RIMS2: variants seen among roughly 807,000 people sequenced by gnomAD.
The protein encoded by RIMS2 is regulating synaptic membrane exocytosis protein 2.
RIMS2 carries 59 observed loss-of-function variants against 174.4 expected under a neutral mutation model. That is an observed-to-expected ratio of 0.34 (90% CI 0.27 to 0.42). The LOEUF (loss-of-function observed/expected upper bound fraction) is 0.42, where lower values mean the gene tolerates loss of function less well. Among genes scored for constraint, RIMS2 ranks in the 10% least tolerant of loss-of-function variants. The probability of loss-of-function intolerance (pLI) is 1.00; values close to 1 mark genes in which losing one functional copy is unlikely to be tolerated. For missense variants in RIMS2, 1,620 were observed against 1,666.3 expected (o/e 0.97, Z 0.48); for synonymous variants, 606 against 572.5 (o/e 1.06, Z -0.84).
intron 1 of RIMS2, among the ~76,000 whole-genome samples, chr8:103,689,173 A>G (rs1895898): frequency 0.06 from 9,118 of 152,042 alleles, 349 homozygotes; most frequent in Non-Finnish European, 0.08. Flanking sequence ...AAAATTTCTC[A>G]TATTATTGAT....
intron 19 of RIMS2, among the ~76,000 whole-genome samples, chr8:104,037,965 A>G (rs909135304): frequency 6.6e-6 from 1 of 152,082 alleles, no homozygotes; most frequent in Non-Finnish European, 1.5e-5. Flanking sequence ...ACAGTTGCCT[A>G]TAGTATTGAA....
At chr8:103,546,035 C>T (rs748387720) in intron 1 of RIMS2, among the ~76,000 whole-genome samples, 3 of 152,122 alleles carry the variant, frequency 2.0e-5, no homozygotes, top group African/African-American at 4.8e-5. Context: ...CATATCAGTA[C>T]TAACCTGGAA....
intron 3 of RIMS2, among the ~76,000 whole-genome samples, chr8:103,791,394 C>T (rs1274461113): frequency 6.6e-6 from 1 of 152,138 alleles, no homozygotes; most frequent in Admixed American, 6.5e-5. Context: ...ACCACCAGGC[C>T]TGCCTTACAA....
chr8:103,530,083 A>C lies in RIMS2; in HGVS notation c.176+29021A>C, dbSNP rs371666493. Among the ~76,000 whole-genome samples, 4 of 152,218 alleles carry C rather than the reference A, an allele frequency of 2.6e-5. No homozygotes were observed. The East Asian group carries it at 7.7e-4, about 29-fold the overall frequency. The stretch of plus-strand genomic sequence containing the variant: ...TGTTGGGTGTAAAACAAAATATCTT[A>C]GTGCGTTTTAAATATATGGTAAGAA... On this transcript the variant is annotated intron_variant, in intron 1 of 23. Coordinates refer to ENST00000504942, the Ensembl canonical transcript of RIMS2.
chr8:103,752,679 T>C (rs1394490689), intron 2 of RIMS2, among the ~76,000 whole-genome samples: 2 of 152,218 alleles, frequency 1.3e-5, no homozygotes, highest in Non-Finnish European at 2.9e-5. Flanking sequence ...CTAGGTATTT[T>C]ATTCTCTTTG....
At chr8:104,134,230 C>T (rs2098499342) in intron 19 of RIMS2, among the ~76,000 whole-genome samples, 1 of 152,052 alleles carries the variant, frequency 6.6e-6, no homozygotes, top group African/African-American at 2.4e-5. Flanking sequence ...TTTGAGAGGC[C>T]AAGGCAGGTG....
At chr8:104,064,388 C>T (rs1004659559) in intron 19 of RIMS2, among the ~76,000 whole-genome samples, 6 of 151,908 alleles carry the variant, frequency 3.9e-5, no homozygotes, top group African/African-American at 1.5e-4. Flanking sequence ...TTTATTAATT[C>T]CTGAACATCC....
In RIMS2 at chr8:103,666,403, G is replaced by T. The variant is rs2096669555; in HGVS notation, c.177-30683G>T. Among the ~76,000 whole-genome samples the T allele has an allele frequency of 2.0e-5, 3 of 152,046 alleles. No individual in the cohort carries two copies. The South Asian group carries it at 6.2e-4, about 32-fold the overall frequency. ...AATTCCCTTCATTTGGTCAACCGGA[G>T]AGGTTGACCAAAACTTTATGCGTTG... On this transcript the variant is annotated intron_variant, in intron 1 of 23. Transcript: ENST00000504942.
intron 2 of RIMS2, among the ~76,000 whole-genome samples, chr8:103,755,301 G>T (rs2097973931): frequency 2.0e-5 from 3 of 152,182 alleles, no homozygotes; most frequent in Admixed American, 2.0e-4. Context: ...GATATCCACT[G>T]TTATTCTCAT....
chr8:104,200,594 A>G (rs993672311), intron 19 of RIMS2, among the ~76,000 whole-genome samples: 2 of 152,186 alleles, frequency 1.3e-5, no homozygotes, highest in Admixed American at 6.5e-5. Flanking sequence ...CAGGGTCAAC[A>G]GTCATTTTTA....
At chr8:103,929,151 T>C (rs2079378712) in intron 11 of RIMS2, among the ~76,000 whole-genome samples, 1 of 151,740 alleles carries the variant, frequency 6.6e-6, no homozygotes, top group Non-Finnish European at 1.5e-5. Context: ...TATTTGCACA[T>C]TTGTAATTTA....
At chr8:103,704,628 A>C (rs1037701097) in intron 2 of RIMS2, among the ~76,000 whole-genome samples, 5 of 151,958 alleles carry the variant, frequency 3.3e-5, no homozygotes, top group Non-Finnish European at 7.4e-5. Context: ...CAGACTTTTT[A>C]TTATGGCTTC....
intron 19 of RIMS2, among the ~76,000 whole-genome samples, chr8:104,129,503 A>C (rs1465366339): frequency 1.3e-5 from 2 of 152,244 alleles, no homozygotes; most frequent in African/African-American, 4.8e-5. Context: ...GGTTCCTGGA[A>C]GATGGAAGGA....
chr8:103,889,690 A>G (rs1271214886), intron 4 of RIMS2, among the ~76,000 whole-genome samples: 2 of 151,026 alleles, frequency 1.3e-5, no homozygotes, highest in South Asian at 2.1e-4. Flanking sequence ...TTCTTCTTCT[A>G]TCTTTAGCCT....
At chr8:103,602,163 A>G (rs2094784236) in intron 1 of RIMS2, among the ~76,000 whole-genome samples, 1 of 151,840 alleles carries the variant, frequency 6.6e-6, no homozygotes, top group Admixed American at 6.6e-5. Context: ...TTTTTTTGGT[A>G]TATTTAGTAG....
At chr8:104,101,284 G>C (rs1008401786) in intron 19 of RIMS2, among the ~76,000 whole-genome samples, 6 of 151,326 alleles carry the variant, frequency 4.0e-5, no homozygotes, top group African/African-American at 1.5e-4. Context: ...GTGCCACCAT[G>C]CCCAGCCAAT....
intron 17 of RIMS2, among the ~76,000 whole-genome samples, chr8:104,005,471 T>A (rs2095540696): frequency 6.6e-6 from 1 of 152,056 alleles, no homozygotes; most frequent in Admixed American, 6.6e-5. Flanking sequence ...GCAAAAACCA[T>A]CCTGCAGGAA....
At chr8:104,160,909 G>A (rs2134697719) in intron 19 of RIMS2, among the ~76,000 whole-genome samples, 1 of 152,258 alleles carries the variant, frequency 6.6e-6, no homozygotes, top group Non-Finnish European at 1.5e-5. Context: ...GCAAGATTCT[G>A]TAAGGGAGTG....
intron 19 of RIMS2, among the ~76,000 whole-genome samples, chr8:104,062,215 C>A (rs1337364382): frequency 6.6e-6 from 1 of 152,000 alleles, no homozygotes; most frequent in Non-Finnish European, 1.5e-5. Flanking sequence ...ACCATCCTGG[C>A]CAACATGGTG....
Sources: allele counts gnomAD v4.1 joint callset (sites outside exome capture counted in the v4.1 genomes callset), GRCh38; gene constraint gnomAD v4.1.1; transcripts MANE v1.5; gene names NCBI Gene and HGNC (gene_info 2026-07-23, HGNC 2026-07-21).